The following CNTNAP5 variants were observed in gnomAD, a reference collection of about 807,000 sequenced individuals.
The protein encoded by CNTNAP5 is contactin-associated protein-like 5.
A neutral mutation model predicts 150.2 loss-of-function variants in CNTNAP5; 72 were observed. The ratio of observed to expected loss-of-function variants is 0.48; its 90% confidence interval spans 0.40 to 0.58. The LOEUF (loss-of-function observed/expected upper bound fraction) is 0.58, where lower values mean the gene tolerates loss of function less well. Ranked by LOEUF, CNTNAP5 falls within the 20% of genes least tolerant of loss-of-function variation. CNTNAP5 has a pLI of 0.00. For synonymous variants in CNTNAP5, 672 were observed against 619.8 expected (o/e 1.08, Z -1.25); for missense variants, 1,636 against 1,626.2 (o/e 1.01, Z -0.10).
At chr2:124,375,494 G>A (rs972463539) in intron 3 of CNTNAP5, among the ~76,000 whole-genome samples, 41 of 152,112 alleles carry the variant, frequency 2.7e-4, no homozygotes, top group African/African-American at 9.9e-4. Flanking sequence ...CAACCTGAAA[G>A]ACAAAGAAAG....
At chr2:124,844,851 A>T (rs1051186279) in intron 19 of CNTNAP5, among the ~76,000 whole-genome samples, 2 of 152,180 alleles carry the variant, frequency 1.3e-5, no homozygotes, top group East Asian at 3.9e-4. Flanking sequence ...GAATTTATTT[A>T]CCAATTATGG....
At chr2:124,513,590 T>C (rs537682948) in intron 8 of CNTNAP5, among the ~76,000 whole-genome samples, 3 of 152,188 alleles carry the variant, frequency 2.0e-5, no homozygotes, top group Non-Finnish European at 4.4e-5. Context: ...ATGAATACAC[T>C]AGTGGAGTTG....
chr2:124,897,775 T>C (rs1678336231), intron 21 of CNTNAP5, among the ~76,000 whole-genome samples: 3 of 151,576 alleles, frequency 2.0e-5, no homozygotes, highest in Non-Finnish European at 4.4e-5. Flanking sequence ...CTTGGACTGA[T>C]TAATTTACTT....
intron 3 of CNTNAP5, among the ~76,000 whole-genome samples, chr2:124,262,997 ACATAGTATTC>A (rs1407993462): frequency 2.6e-5 from 4 of 152,078 alleles, no homozygotes; most frequent in Non-Finnish European, 5.9e-5. Context: ...TTTTATGGCT[ACATAGTATTC>A]CATGGTGTAT....
At chr2:124,398,828 G>T (rs1007252595) in intron 3 of CNTNAP5, among the ~76,000 whole-genome samples, 25 of 152,242 alleles carry the variant, frequency 1.6e-4, no homozygotes, top group Admixed American at 8.5e-4. Context: ...TTGATTAGAT[G>T]GGAGTAACAC....
chr2:124,357,882 G>A (rs376682177), intron 3 of CNTNAP5, among the ~76,000 whole-genome samples: 26 of 150,472 alleles, frequency 1.7e-4, no homozygotes, highest in Admixed American at 8.0e-4. Flanking sequence ...CATTGAATCT[G>A]TAAATTACCT....
intron 1 of CNTNAP5, among the ~76,000 whole-genome samples, chr2:124,131,651 C>T (rs1048797425): frequency 9.2e-5 from 14 of 152,094 alleles, no homozygotes; most frequent in Non-Finnish European, 1.6e-4. Flanking sequence ...AATGTGTTTG[C>T]GTAGTGCAGC....
chr2:124,133,472 G>A (rs1383309384), intron 1 of CNTNAP5, among the ~76,000 whole-genome samples: 1 of 152,106 alleles, frequency 6.6e-6, no homozygotes, highest in Non-Finnish European at 1.5e-5. Flanking sequence ...AAAGGGCCTG[G>A]TCACACAGTT....
intron 3 of CNTNAP5, among the ~76,000 whole-genome samples, chr2:124,370,159 T>C (rs934182868): frequency 6.6e-6 from 1 of 152,128 alleles, no homozygotes; most frequent in African/African-American, 2.4e-5. Context: ...ATTCAAACAA[T>C]TATCAAGTGA....
chr2:124,254,706 G>A (rs1420152991), intron 3 of CNTNAP5, among the ~76,000 whole-genome samples: 1 of 152,190 alleles, frequency 6.6e-6, no homozygotes, highest in Non-Finnish European at 1.5e-5. Context: ...ATGCTGTATG[G>A]AGTAACTTGA....
At chr2:124,629,579 T>G (rs1297738756) in intron 12 of CNTNAP5, among the ~76,000 whole-genome samples, 1 of 152,058 alleles carries the variant, frequency 6.6e-6, no homozygotes, top group Non-Finnish European at 1.5e-5. Flanking sequence ...GAGAGAAATT[T>G]ATAGGATTAA....
chr2:124,808,333 C>T (rs767597879), intron 19 of CNTNAP5, among the ~76,000 whole-genome samples: 5 of 152,238 alleles, frequency 3.3e-5, no homozygotes, highest in Middle Eastern at 3.4e-3. Context: ...AGGCCAGGCA[C>T]GGTGGCTCAT....
At chr2:124,122,881 G>A (rs1347200856) in intron 1 of CNTNAP5, among the ~76,000 whole-genome samples, 1 of 151,230 alleles carries the variant, frequency 6.6e-6, no homozygotes, top group African/African-American at 2.4e-5. Context: ...TCAAGGTCTA[G>A]TGATAAGAAA....
intron 1 of CNTNAP5, among the ~76,000 whole-genome samples, chr2:124,207,787 G>T (rs964282767): frequency 2.6e-5 from 4 of 152,142 alleles, no homozygotes; most frequent in Non-Finnish European, 4.4e-5. Flanking sequence ...ATCTGTTCAT[G>T]CATAATTTGA....
intron 19 of CNTNAP5, among the ~76,000 whole-genome samples, chr2:124,841,799 C>T (rs965229611): frequency 6.6e-6 from 1 of 152,084 alleles, no homozygotes; most frequent in African/African-American, 2.4e-5. Flanking sequence ...GCACTGGGAT[C>T]ACAGAGATGT....
intron 1 of CNTNAP5, among the ~76,000 whole-genome samples, chr2:124,132,881 AT>A (rs1558768758): frequency 6.6e-6 from 1 of 152,130 alleles, no homozygotes; most frequent in African/African-American, 2.4e-5. Flanking sequence ...GTACTAATGA[AT>A]TCTTCTCTCT....
chr2:124,194,406 T>TATATAA (rs1446258768), intron 1 of CNTNAP5, among the ~76,000 whole-genome samples: 2 of 17,650 alleles, frequency 1.1e-4, no homozygotes, highest in African/African-American at 4.2e-4. Flanking sequence ...TATATATATA[T>TATATAA]ATATAAATAT....
At chr2:124,543,817 C>T (rs11890281) in intron 10 of CNTNAP5, among the ~76,000 whole-genome samples, 64,041 of 151,858 alleles carry the variant, frequency 0.42, 14,066 homozygotes, top group East Asian at 0.64. Flanking sequence ...AAAGCCTCTT[C>T]ATTTAATAAA....
chr2:124,409,877 A>G (rs576259404), intron 3 of CNTNAP5, among the ~76,000 whole-genome samples: 93 of 151,956 alleles, frequency 6.1e-4, no homozygotes, highest in Non-Finnish European at 1.1e-3. Context: ...ACACATAACA[A>G]TATTAACTTT....
Sources: allele counts gnomAD v4.1 joint callset (sites outside exome capture counted in the v4.1 genomes callset), GRCh38; gene constraint gnomAD v4.1.1; transcripts MANE v1.5; gene names NCBI Gene and HGNC (gene_info 2026-07-23, HGNC 2026-07-21).